Variants in RPS6KC1 observed in about 807,000 individuals in gnomAD.
RPS6KC1 encodes the protein inactive ribosomal protein S6 kinase delta-1.
A neutral mutation model predicts 103.8 loss-of-function variants in RPS6KC1; 54 were observed. The observed-to-expected ratio is 0.52, with a 90% confidence interval of 0.42 to 0.65. The LOEUF is 0.65. Among genes scored for constraint, RPS6KC1 ranks in the 30% least tolerant of loss-of-function variants. The pLI is 0.00. For synonymous variants in RPS6KC1, 439 were observed against 438.7 expected (o/e 1.00, Z -0.01); for missense variants, 1,151 against 1,253.8 (o/e 0.92, Z 1.24).
chr1:213,566,450 T>G, the RPS6KC1 span, among the ~76,000 whole-genome samples: 27 of 23,192 alleles, frequency 1.2e-3, no homozygotes, highest in Admixed American at 5.8e-3. Context: ...TTTTTTTTTT[T>G]TTTTTTTTTT....
chr1:213,338,098 C>CTAAG, the RPS6KC1 span, among the ~76,000 whole-genome samples: 1 of 152,108 alleles, frequency 6.6e-6, no homozygotes, highest in Middle Eastern at 3.2e-3. Context: ...AGCTGAATTC[C>CTAAG]TAAGTTCTTG....
the RPS6KC1 span, among the ~76,000 whole-genome samples, chr1:213,470,558 C>T: frequency 6.7e-6 from 1 of 149,030 alleles, no homozygotes; most frequent in Non-Finnish European, 1.5e-5. Context: ...TGGTAATATT[C>T]AAATTTTATT....
the RPS6KC1 span, among the ~76,000 whole-genome samples, chr1:213,494,435 A>C: frequency 6.6e-6 from 1 of 152,132 alleles, no homozygotes; most frequent in East Asian, 1.9e-4. Context: ...AAAAATGTAG[A>C]GAAATGGAAG....
the RPS6KC1 span, among the ~76,000 whole-genome samples, chr1:213,297,894 G>A: frequency 2.0e-5 from 3 of 152,210 alleles, no homozygotes; most frequent in African/African-American, 7.2e-5. Context: ...TGGCATTACA[G>A]GTGTAAGCTA....
the RPS6KC1 span, among the ~76,000 whole-genome samples, chr1:213,334,318 A>G: frequency 2.0e-5 from 3 of 152,200 alleles, no homozygotes; most frequent in Non-Finnish European, 4.4e-5. Context: ...CACCTTTATT[A>G]CATTCTTCTC....
the RPS6KC1 span, among the ~76,000 whole-genome samples, chr1:213,613,021 A>G: frequency 2.0e-5 from 3 of 152,190 alleles, no homozygotes; most frequent in Non-Finnish European, 2.9e-5. Flanking sequence ...GTCTGCGGGC[A>G]TTGCATTGAT....
the RPS6KC1 span, among the ~76,000 whole-genome samples, chr1:213,420,698 C>T: frequency 3.3e-5 from 5 of 152,316 alleles, no homozygotes; most frequent in South Asian, 2.1e-4. Context: ...AAGGCTCCCC[C>T]TCAATTTCCC....
At chr1:213,511,242 G>GA in the RPS6KC1 span, among the ~76,000 whole-genome samples, 1 of 152,056 alleles carries the variant, frequency 6.6e-6, no homozygotes, top group South Asian at 2.1e-4. Context: ...AAAAACTGGG[G>GA]GCACTGTTCT....
the RPS6KC1 span, among the ~76,000 whole-genome samples, chr1:213,570,337 A>G: frequency 6.6e-6 from 1 of 152,210 alleles, no homozygotes; most frequent in African/African-American, 2.4e-5. Context: ...AAAAGGAAAG[A>G]GTTGGGTGTC....
intron 14 of RPS6KC1, among the ~76,000 whole-genome samples, chr1:213,268,248 G>A (rs1320086787): frequency 6.6e-6 from 1 of 151,920 alleles, no homozygotes; most frequent in African/African-American, 2.4e-5. Context: ...CAAAAACATG[G>A]AGATCAGAAG....
chr1:213,728,615 G>A, the RPS6KC1 span, among the ~76,000 whole-genome samples: 1 of 152,102 alleles, frequency 6.6e-6, no homozygotes, highest in African/African-American at 2.4e-5. Flanking sequence ...AGGCAAGAGC[G>A]AACATCACCC....
chr1:213,182,363 C>T (rs1363070372), intron 8 of RPS6KC1, among the ~76,000 whole-genome samples: 3 of 151,926 alleles, frequency 2.0e-5, no homozygotes, highest in East Asian at 1.9e-4. Context: ...TGGTGGTGCA[C>T]GACTGTAGTC....
chr1:213,149,238 G>A (rs1336558785), intron 6 of RPS6KC1, among the ~76,000 whole-genome samples: 1 of 151,750 alleles, frequency 6.6e-6, no homozygotes, highest in Admixed American at 6.6e-5. Context: ...TTCTAGTTGT[G>A]TAAGATGCTC....
At chr1:213,150,942 G>A (rs1355615163) in intron 6 of RPS6KC1, among the ~76,000 whole-genome samples, 45 of 151,540 alleles carry the variant, frequency 3.0e-4, no homozygotes, top group Non-Finnish European at 5.2e-4. Flanking sequence ...CGGGCAGGGG[G>A]GCTGACCCCC....
the RPS6KC1 span, among the ~76,000 whole-genome samples, chr1:213,707,746 A>G: frequency 6.6e-6 from 1 of 152,200 alleles, no homozygotes; most frequent in African/African-American, 2.4e-5. Flanking sequence ...GTCTAGTTTC[A>G]GTTTTCTGCA....
the RPS6KC1 span, among the ~76,000 whole-genome samples, chr1:213,568,694 GC>G: frequency 6.6e-6 from 1 of 152,200 alleles, no homozygotes; most frequent in Non-Finnish European, 1.5e-5. Context: ...GGACGCAAAA[GC>G]CCTGCAAGAT....
the RPS6KC1 span, among the ~76,000 whole-genome samples, chr1:213,520,414 G>T: frequency 1.3e-5 from 2 of 152,088 alleles, no homozygotes; most frequent in Non-Finnish European, 2.9e-5. Flanking sequence ...TGATTCAGTT[G>T]TCTCCCACCA....
the RPS6KC1 span, among the ~76,000 whole-genome samples, chr1:213,523,565 G>A: frequency 1.9e-4 from 29 of 152,260 alleles, no homozygotes; most frequent in Non-Finnish European, 3.4e-4. Flanking sequence ...ACACAGAAAA[G>A]CTTAGCACTG....
intron 1 of RPS6KC1, among the ~76,000 whole-genome samples, chr1:213,064,255 C>T (rs1474872614): frequency 1.3e-5 from 2 of 152,124 alleles, no homozygotes; most frequent in African/African-American, 2.4e-5. Context: ...CGGGGTTTCA[C>T]CATGTTGGCC....
Sources: gnomAD v4.1 joint callset for allele counts (sites outside exome capture counted in the v4.1 genomes callset) on GRCh38, gnomAD v4.1.1 for gene constraint, MANE v1.5 for transcripts, NCBI Gene and HGNC (gene_info 2026-07-23, HGNC 2026-07-21) for gene names.